The following SGCD variants were observed in gnomAD, a reference collection of about 807,000 sequenced individuals.
The protein encoded by SGCD is sarcoglycan delta, also known as delta-sarcoglycan.
In SGCD, 18 loss-of-function variants were observed where a neutral mutation model predicts 36.6. That is an observed-to-expected ratio of 0.49 (90% CI 0.34 to 0.73). The LOEUF (loss-of-function observed/expected upper bound fraction) is 0.73. SGCD is among the 30% of genes least tolerant of loss of function. The pLI is 0.01. For synonymous variants in SGCD, 133 were observed against 130.6 expected, an observed-to-expected ratio of 1.02 and a Z score of -0.12; for missense variants, 387 against 346.7, an observed-to-expected ratio of 1.12 and a Z score of -0.92.
At position 155,909,748 on chromosome 5, in the gene SGCD, A is replaced by G. The variant is rs563938575; in HGVS notation, c.-282+39324A>G. On this transcript the variant is annotated intron_variant, in intron 1 of 9. Coordinates refer to the SGCD transcript ENST00000517913. ...GAGTGCATCTTTTGTAGTAGACTTT[A>G]GCTGAATATATTAAAATTCTTACTG... 2.6e-5 allele frequency among the ~76,000 whole-genome samples: 4 copies of G among 152,280 alleles called. No homozygotes were observed. In the East Asian group the frequency reaches 7.7e-4, roughly 29 times the overall value.
the SGCD span, among the ~76,000 whole-genome samples, chr5:155,785,807 C>T: frequency 2.6e-5 from 4 of 152,226 alleles, no homozygotes; most frequent in Admixed American, 2.6e-4. Flanking sequence ...ATATAAAGAG[C>T]AAGGTAAGTT....
chr5:156,572,632 T>C (rs916999612), intron 4 of SGCD, among the ~76,000 whole-genome samples: 1 of 152,188 alleles, frequency 6.6e-6, no homozygotes, highest in African/African-American at 2.4e-5. Flanking sequence ...GACAATTGAA[T>C]GAAGCACCCA....
At chr5:155,985,953 C>A (rs866543371) in intron 1 of SGCD, among the ~76,000 whole-genome samples, 1 of 152,128 alleles carries the variant, frequency 6.6e-6, no homozygotes, top group Non-Finnish European at 1.5e-5. Flanking sequence ...TTACTTTGAA[C>A]TCTTCAGAAT....
intron 6 of SGCD, among the ~76,000 whole-genome samples, chr5:156,610,518 G>A (rs1006809058): frequency 1.5e-4 from 23 of 152,346 alleles, no homozygotes; most frequent in South Asian, 2.1e-4. Flanking sequence ...CAGTCTGTCC[G>A]TTCTCAGATC....
chr5:156,273,400 G>A (rs1255396965), intron 3 of SGCD, among the ~76,000 whole-genome samples: 2 of 152,174 alleles, frequency 1.3e-5, no homozygotes, highest in Non-Finnish European at 2.9e-5. Flanking sequence ...ATTAGCGATA[G>A]GGAGAGATTT....
intron 1 of SGCD, among the ~76,000 whole-genome samples, chr5:156,092,067 G>C (rs1761258822): frequency 2.0e-5 from 3 of 152,186 alleles, no homozygotes; most frequent in Admixed American, 6.5e-5. Context: ...TGTTATCAGT[G>C]TTTCTTTGAT....
intron 3 of SGCD, among the ~76,000 whole-genome samples, chr5:156,131,645 A>G (rs1320030031): frequency 2.6e-5 from 4 of 152,208 alleles, no homozygotes; most frequent in African/African-American, 7.2e-5. Flanking sequence ...TCAGTGTTTT[A>G]TTATAAGAAT....
At chr5:155,813,918 G>T in the SGCD span, among the ~76,000 whole-genome samples, 1 of 152,196 alleles carries the variant, frequency 6.6e-6, no homozygotes, top group African/African-American at 2.4e-5. Context: ...TTGATGGAGA[G>T]ATGAAGGGCA....
At chr5:155,995,944 A>G (rs943254298) in intron 1 of SGCD, among the ~76,000 whole-genome samples, 7 of 148,688 alleles carry the variant, frequency 4.7e-5, no homozygotes, top group Admixed American at 2.7e-4. Flanking sequence ...AAAACTGTAC[A>G]GCTAAGATTT....
chr5:155,778,944 A>G, the SGCD span, among the ~76,000 whole-genome samples: 1 of 152,202 alleles, frequency 6.6e-6, no homozygotes, highest in African/African-American at 2.4e-5. Flanking sequence ...TTCTGAAATA[A>G]AGGGCCAGGG....
At chr5:156,131,933 T>G (rs181956971) in intron 3 of SGCD, among the ~76,000 whole-genome samples, 1 of 152,268 alleles carries the variant, frequency 6.6e-6, no homozygotes, top group Non-Finnish European at 1.5e-5. Context: ...GCATCAGTCT[T>G]TATTTTATCT....
At chr5:156,712,151 G>A (rs536790261) in intron 7 of SGCD, among the ~76,000 whole-genome samples, 1 of 152,242 alleles carries the variant, frequency 6.6e-6, no homozygotes, top group Admixed American at 6.5e-5. Context: ...ATCTTGTGCT[G>A]ACCTCCCATC....
chr5:156,671,937 G>A (rs1581374106), intron 7 of SGCD, among the ~76,000 whole-genome samples: 1 of 152,108 alleles, frequency 6.6e-6, no homozygotes, highest in African/African-American at 2.4e-5. Flanking sequence ...AAAACAACCA[G>A]CTCCCATGTG....
At chr5:156,047,886 A>G (rs982711791) in intron 1 of SGCD, among the ~76,000 whole-genome samples, 5 of 151,914 alleles carry the variant, frequency 3.3e-5, no homozygotes, top group Non-Finnish European at 5.9e-5. Flanking sequence ...GGTTAGTTAC[A>G]TATGTATACA....
chr5:156,079,644 C>A (rs1760896480), intron 1 of SGCD, among the ~76,000 whole-genome samples: 1 of 152,214 alleles, frequency 6.6e-6, no homozygotes, highest in African/African-American at 2.4e-5. Flanking sequence ...CCGGGGATGG[C>A]AGTAACTAAA....
At chr5:156,153,655 C>T (rs1762880279) in intron 3 of SGCD, among the ~76,000 whole-genome samples, 1 of 151,562 alleles carries the variant, frequency 6.6e-6, no homozygotes, top group African/African-American at 2.4e-5. Context: ...CCATTAGTAT[C>T]CCCTCCTTGG....
intron 3 of SGCD, among the ~76,000 whole-genome samples, chr5:156,414,624 G>A (rs955398911): frequency 1.3e-5 from 2 of 152,208 alleles, no homozygotes; most frequent in African/African-American, 2.4e-5. Flanking sequence ...ATAAATGAGT[G>A]TGGCTGTATT....
intron 1 of SGCD, among the ~76,000 whole-genome samples, chr5:155,905,751 A>G (rs1486256007): frequency 6.6e-6 from 1 of 152,078 alleles, no homozygotes; most frequent in Non-Finnish European, 1.5e-5. Flanking sequence ...AAGTCTCACG[A>G]GATCTGATGG....
chr5:156,757,483 T>C (rs1581538694), intron 7 of SGCD, 98 bp from the exon 8 acceptor site: 12 of 765,202 alleles, frequency 1.6e-5, no homozygotes, highest in Non-Finnish European at 2.3e-5. Context: ...TCTGATCAAA[T>C]ACTGGAATGC....
Sources: allele counts gnomAD v4.1 joint callset (sites outside exome capture counted in the v4.1 genomes callset), GRCh38; gene constraint gnomAD v4.1.1; transcripts MANE v1.5; gene names NCBI Gene and HGNC (gene_info 2026-07-23, HGNC 2026-07-21).